Variants in WIF1 observed in about 807,000 individuals in gnomAD.
The protein encoded by WIF1 is Wnt inhibitory factor 1.
A neutral mutation model predicts 53.5 loss-of-function variants in WIF1; 35 were observed. The ratio of observed to expected loss-of-function variants is 0.65; its 90% confidence interval spans 0.50 to 0.87. WIF1 has a LOEUF of 0.87. Ranked by LOEUF, WIF1 falls within the 40% of genes least tolerant of loss-of-function variation. The probability of loss-of-function intolerance (pLI) is 0.00; values close to 1 mark genes in which losing one functional copy is unlikely to be tolerated. For missense variants in WIF1, 467 were observed against 476.8 expected, an observed-to-expected ratio of 0.98 and a Z score of 0.19; for synonymous variants, 171 against 170.4, an observed-to-expected ratio of 1.00 and a Z score of -0.03.
chr12:65,062,645 G>T, intron 6 of WIF1, 69 bp from the exon 7 acceptor site: 1 of 1,408,206 alleles, frequency 7.1e-7, no homozygotes. Flanking sequence ...TTCACTTAAA[G>T]TGAGGTGCTA....
At chr12:65,106,922 G>A (rs746134680) in intron 2 of WIF1, among the ~76,000 whole-genome samples, 3 of 152,122 alleles carry the variant, frequency 2.0e-5, no homozygotes, top group East Asian at 1.9e-4. Flanking sequence ...ATATGTAATC[G>A]GTGTGTAATG....
chr12:65,062,696 T>A, intron 6 of WIF1, 120 bp from the exon 7 acceptor site: 1 of 855,656 alleles, frequency 1.2e-6, no homozygotes, highest in Non-Finnish European at 1.8e-6. Context: ...TTTCCTGACT[T>A]AATAAAATAA....
Position 65,114,193 on chromosome 12 carries a change from G to A in WIF1, c.288+6224C>T, listed in dbSNP as rs541503624. On this transcript the variant is annotated intron_variant, in intron 2 of 9. Transcript: ENST00000286574. ...TTTTTTTTATTTTTTTTTGGTTTAC[G>A]TCAAGGGGAGAAAGGGAAAAAAAAC... Among the ~76,000 whole-genome samples, 15 of 150,452 alleles carry A rather than the reference G, an allele frequency of 1.0e-4. No individual in the cohort carries two copies. In the East Asian group the frequency reaches 1.8e-3, roughly 18 times the overall value.
At position 65,062,562 on chromosome 12, in the gene WIF1, T is replaced by C. The variant is rs147351602; in HGVS notation, c.745A>G (p.Thr249Ala). Residue 249 changes from threonine to alanine, a missense_variant, in exon 7 of 10, where the codon ACC (threonine) becomes GCC (alanine). Thr to Ala is a moderately conservative substitution (Grantham distance 58, BLOSUM62 0). Coordinates refer to ENST00000286574, the MANE Select transcript of WIF1 (RefSeq NM_007191.5). ...VNCDKANCST[T>A]CFNGGTCFYP... ...AAACAGGTCCCTCCATTAAAGCAGG[T>C]GGTTGAGCAGTTTGCTGTTAGAATG... 700 of 1,606,740 alleles carry C rather than the reference T, an allele frequency of 4.4e-4. 3 individuals carry two copies. Among genetic ancestry groups the C allele is most frequent in the Middle Eastern group, 1.2e-3 (7 of 6,070 alleles).
intron 2 of WIF1, among the ~76,000 whole-genome samples, chr12:65,100,890 G>C (rs1883272691): frequency 6.6e-6 from 1 of 151,892 alleles, no homozygotes; most frequent in Non-Finnish European, 1.5e-5. Flanking sequence ...ACAAAATATT[G>C]TGTAGCCACT....
intron 7 of WIF1, among the ~76,000 whole-genome samples, chr12:65,056,970 C>T (rs923151412): frequency 2.7e-4 from 41 of 152,040 alleles, no homozygotes; most frequent in Admixed American, 2.3e-3. Context: ...TTTTGAATGT[C>T]ACTTTTTCTG....
rs1210597311 is a variant in WIF1, at chr12:65,120,517, AT to A, written c.187del (p.Met63TrpfsTer25). 1 of 1,613,992 alleles carries A rather than the reference AT, an allele frequency of 6.2e-7. No homozygotes were observed. The part of the protein sequence containing the change: ...EDILIVSEGK[M>X]APFTHDFRKA... ...TCTGAAATCATGTGTAAAAGGTGCC[AT>A]TTTCCCCTCTGAAACAATCAGGATA... On this transcript the variant is annotated frameshift_variant, in exon 2 of 10. Transcript: ENST00000286574. LOFTEE classifies it high-confidence loss of function.
At chr12:65,116,872 G>A (rs764994033) in intron 2 of WIF1, among the ~76,000 whole-genome samples, 5 of 136,702 alleles carry the variant, frequency 3.7e-5, no homozygotes, top group Non-Finnish European at 6.1e-5. Context: ...GGCAGACGTT[G>A]CAGTGAGCCA....
Position 65,051,462 on chromosome 12 carries a change from C to T in WIF1, c.1027G>A (p.Ala343Thr). ...HGRHCNKRYE[A>T]SLIHALRPAG... is the part of the protein sequence containing the mutation. Reference sequence around the variant, plus strand: ...GGCCTCAGGGCATGTATGAGGCTGGCTTCGTACCCTGCAAAATTATTCACA... The same window carrying T: ...GGCCTCAGGGCATGTATGAGGCTGGTTTCGTACCCTGCAAAATTATTCACA... The change falls in exon 10 of 10, where the codon GCC (alanine) becomes ACC (threonine). Residue 343 changes from alanine (A) to threonine (T), a missense_variant. Ala to Thr is a moderately conservative substitution (Grantham distance 58, BLOSUM62 0). Transcript: ENST00000286574. 6.3e-7 allele frequency: 1 copy of T among 1,592,286 alleles called. No homozygotes were observed. Among genetic ancestry groups the T allele is most frequent in the African/African-American group, 1.4e-5 (1 of 73,932 alleles).
chr12:65,082,896 A>G (rs915393104), intron 2 of WIF1, among the ~76,000 whole-genome samples: 1 of 152,200 alleles, frequency 6.6e-6, no homozygotes, highest in Non-Finnish European at 1.5e-5. Flanking sequence ...ATCTTTCAGA[A>G]AACCAAGGAC....
chr12:65,073,645 G>A (rs926390455), intron 3 of WIF1, among the ~76,000 whole-genome samples: 1 of 152,084 alleles, frequency 6.6e-6, no homozygotes, highest in Non-Finnish European at 1.5e-5. Flanking sequence ...GCAGCTTGGG[G>A]GTATAAAATA....
chr12:65,084,037 G>C (rs1283476269), intron 2 of WIF1, among the ~76,000 whole-genome samples: 3 of 151,758 alleles, frequency 2.0e-5, no homozygotes, highest in Admixed American at 2.0e-4. Context: ...CAATGGTCTT[G>C]TTATTGTTTC....
chr12:65,107,101 C>G (rs989281215), intron 2 of WIF1, among the ~76,000 whole-genome samples: 39 of 151,960 alleles, frequency 2.6e-4, no homozygotes, highest in African/African-American at 8.7e-4. Flanking sequence ...ACAGAGAGCA[C>G]CTGCAAGCTT....
At chr12:65,058,608 G>A (rs1011871700) in intron 7 of WIF1, among the ~76,000 whole-genome samples, 4 of 152,198 alleles carry the variant, frequency 2.6e-5, no homozygotes, top group Non-Finnish European at 5.9e-5. Context: ...CAAAATTCAT[G>A]AAGATCTGAT....
intron 7 of WIF1, among the ~76,000 whole-genome samples, chr12:65,057,181 G>A (rs565242951): frequency 3.3e-5 from 5 of 152,262 alleles, no homozygotes; most frequent in South Asian, 4.2e-4. Context: ...CTGCTAAGTC[G>A]AGGTGCAGTG....
At chr12:65,064,400 A>G (rs551316994) in intron 6 of WIF1, among the ~76,000 whole-genome samples, 6 of 152,310 alleles carry the variant, frequency 3.9e-5, no homozygotes, top group Non-Finnish European at 8.8e-5. Context: ...CTGAGGCCCC[A>G]CTGGCCAGTG....
chr12:65,095,103 T>C (rs1883184179), intron 2 of WIF1, among the ~76,000 whole-genome samples: 1 of 146,144 alleles, frequency 6.8e-6, no homozygotes, highest in Admixed American at 6.8e-5. Flanking sequence ...AGACTAATTT[T>C]TGTATTTTTT....
chr12:65,109,967 C>G (rs17765135), intron 2 of WIF1, among the ~76,000 whole-genome samples: 29,988 of 152,048 alleles, frequency 0.2, 3,253 homozygotes, highest in Admixed American at 0.25. Context: ...ACAAACAATA[C>G]AATTTTGGAG....
In WIF1 at chr12:65,051,456, G is replaced by A; in HGVS notation, c.1033C>T (p.Leu345Phe). Reference sequence around the variant, plus strand: ...CCTGCTGGCCTCAGGGCATGTATGAGGCTGGCTTCGTACCCTGCAAAATTA... The same window carrying A: ...CCTGCTGGCCTCAGGGCATGTATGAAGCTGGCTTCGTACCCTGCAAAATTA... ...RHCNKRYEAS[L>F]IHALRPAGAQ... is the part of the protein sequence containing the mutation. The change falls in exon 10 of 10, where the codon CTC becomes TTC. Residue 345 changes from leucine to phenylalanine, a missense_variant. By Grantham distance (22) the Leu-to-Phe change is conservative (BLOSUM62 0). Transcript: ENST00000286574. The A allele has an allele frequency of 1.9e-6, 3 of 1,609,986 alleles. No individual in the cohort carries two copies. Among genetic ancestry groups the A allele is most frequent in the Non-Finnish European group, 2.5e-6 (3 of 1,178,360 alleles).
Sources: gnomAD v4.1 joint callset for allele counts (sites outside exome capture counted in the v4.1 genomes callset) on GRCh38, gnomAD v4.1.1 for gene constraint, MANE v1.5 for transcripts, NCBI Gene and HGNC (gene_info 2026-07-23, HGNC 2026-07-21) for gene names.